USP25: variants seen among roughly 807,000 people sequenced by gnomAD.
USP25 encodes ubiquitin carboxyl-terminal hydrolase 25.
USP25 carries 85 observed loss-of-function variants against 158.5 expected under a neutral mutation model. The ratio of observed to expected loss-of-function variants is 0.54; its 90% CI spans 0.45 to 0.64. The LOEUF (loss-of-function observed/expected upper bound fraction) is 0.64. Among genes scored for constraint, USP25 ranks in the 30% least tolerant of loss-of-function variants. The pLI is 0.00. For synonymous variants in USP25, 464 were observed against 460.4 expected, an observed-to-expected ratio of 1.01 and a Z score of -0.10; for missense variants, 1,242 against 1,327.3, an observed-to-expected ratio of 0.94 and a Z score of 1.00.
chr21:15,846,126 A>G (rs375840539), intron 18 of USP25, among the ~76,000 whole-genome samples: 10,310 of 53,776 alleles, frequency 0.19, 756 homozygotes, highest in East Asian at 0.32. Flanking sequence ...GTGTGTGTAT[A>G]TATATATATA....
intron 20 of USP25, among the ~76,000 whole-genome samples, chr21:15,859,958 GAT>G (rs1325544200): frequency 1.5e-4 from 21 of 140,110 alleles, no homozygotes; most frequent in Admixed American, 1.4e-3. Context: ...ATTTAAATTG[GAT>G]ATATATATGT....
At chr21:15,859,278 C>T (rs932136076) in intron 20 of USP25, among the ~76,000 whole-genome samples, 54 of 151,380 alleles carry the variant, frequency 3.6e-4, no homozygotes, top group African/African-American at 1.1e-3. Flanking sequence ...CTGCAGGCTC[C>T]GCCTCCCGGG....
chr21:15,853,768 T>C (rs2039003961), intron 20 of USP25, among the ~76,000 whole-genome samples: 1 of 152,038 alleles, frequency 6.6e-6, no homozygotes, highest in African/African-American at 2.4e-5. Flanking sequence ...ATGTTAGCTT[T>C]GGTAAATGAA....
chr21:15,793,350 TA>T (rs1187250325), intron 5 of USP25, among the ~76,000 whole-genome samples: 1 of 151,644 alleles, frequency 6.6e-6, no homozygotes, highest in Non-Finnish European at 1.5e-5. Flanking sequence ...TTTAGTAGGA[TA>T]AAACTTCTTT....
chr21:15,791,870 T>C (rs750663501), intron 5 of USP25, among the ~76,000 whole-genome samples: 27 of 151,832 alleles, frequency 1.8e-4, no homozygotes, highest in Non-Finnish European at 1.2e-4. Context: ...TAACAGTAGA[T>C]CACTACTTAT....
intron 17 of USP25, 115 bp downstream of exon 17, chr21:15,833,663 A>G: frequency 4.2e-6 from 4 of 955,046 alleles, no homozygotes; most frequent in Middle Eastern, 3.3e-4. Context: ...AGTAGAAATC[A>G]TTTCAAATTC....
rs1230360525 is a variant in USP25 at position 15,824,974 on chromosome 21, A to T, written c.1217A>T (p.His406Leu). The change falls in exon 12 of 26, where the codon CAC becomes CTC. Residue 406 changes from histidine to leucine, a missense_variant. This residue lies in a region of USP25 where 627 missense variants were observed against 701.4 expected (regional missense o/e 0.89). Transcript: ENST00000400183. The part of the protein sequence containing the change: ...PQVLYLDRYM[H>L]RNREITRIKR... ...TTACCTTTTTCTGATAGATACATGC[A>T]CAGAAACAGAGAAATAACAAGAATT... 1.2e-6 allele frequency: 2 copies of T among 1,608,998 alleles called. No individual in the cohort carries two copies. The highest frequency in any genetic ancestry group is 1.7e-6 in the Non-Finnish European group (2 of 1,176,488).
chr21:15,812,936 C>A (rs542771110), intron 9 of USP25, among the ~76,000 whole-genome samples: 1 of 152,132 alleles, frequency 6.6e-6, no homozygotes, highest in Admixed American at 6.5e-5. Flanking sequence ...TTTTTGAGAA[C>A]TTCTAGTTCA....
intron 3 of USP25, among the ~76,000 whole-genome samples, chr21:15,775,370 C>G (rs1372524074): frequency 6.6e-6 from 1 of 152,138 alleles, no homozygotes; most frequent in African/African-American, 2.4e-5. Flanking sequence ...TAAAAAATCA[C>G]TGGAAGGACT....
intron 1 of USP25, among the ~76,000 whole-genome samples, chr21:15,750,216 T>TGTGTA (rs1568757063): frequency 8.1e-4 from 7 of 8,608 alleles, no homozygotes; most frequent in Admixed American, 2.3e-3. Flanking sequence ...GTGTGTATGT[T>TGTGTA]TTTTTTTTTT....
intron 18 of USP25, among the ~76,000 whole-genome samples, chr21:15,845,495 T>C (rs2038539196): frequency 6.6e-6 from 1 of 152,102 alleles, no homozygotes; most frequent in Non-Finnish European, 1.5e-5. Context: ...CAAAGTTTCT[T>C]CCCCCTTTCA....
chr21:15,836,746 G>A (rs548114689), intron 17 of USP25, among the ~76,000 whole-genome samples: 1 of 146,714 alleles, frequency 6.8e-6, no homozygotes, highest in South Asian at 2.3e-4. Context: ...GCCATTCTTT[G>A]CTGTCAGTGT....
rs966721361 is a variant in USP25 at position 15,829,055 on chromosome 21, G to C, written c.1694-1476G>C. On this transcript the variant is annotated intron_variant, in intron 14 of 25. Coordinates refer to ENST00000400183, the MANE Select transcript of USP25 (RefSeq NM_001283041.3). ...TTAGCATTATTTTGTAAACTATTGT[G>C]TAATATTCCAACACACGGGTATGAT... Among the ~76,000 whole-genome samples, 4 of 152,204 alleles carry C rather than the reference G, an allele frequency of 2.6e-5. No individual in the cohort carries two copies. The South Asian group carries it at 8.3e-4, about 32-fold the overall frequency.
At chr21:15,797,150 G>A (rs1568817680) in intron 5 of USP25, among the ~76,000 whole-genome samples, 1 of 151,304 alleles carries the variant, frequency 6.6e-6, no homozygotes, top group Non-Finnish European at 1.5e-5. Context: ...TTTGGATATG[G>A]TGAGTAGTAC....
At chr21:15,831,253 A>T in intron 15 of USP25, 148 bp from the exon 16 acceptor site, 1 of 685,028 alleles carries the variant, frequency 1.5e-6, no homozygotes, top group Non-Finnish European at 2.4e-6. Context: ...AGTTTTTTTC[A>T]AACTTTTAAG....
intron 11 of USP25, 85 bp downstream of exon 11, chr21:15,824,251 T>C: frequency 6.6e-7 from 1 of 1,507,420 alleles, no homozygotes; most frequent in Non-Finnish European, 8.9e-7. Flanking sequence ...CTGCATAATT[T>C]TCTTAGAATT....
chr21:15,807,566 G>A (rs774361096), intron 7 of USP25, among the ~76,000 whole-genome samples: 2 of 152,134 alleles, frequency 1.3e-5, no homozygotes, highest in Non-Finnish European at 2.9e-5. Flanking sequence ...TGGCTCTGAG[G>A]GAGAATCCTT....
intron 7 of USP25, among the ~76,000 whole-genome samples, chr21:15,806,281 T>C (rs958002127): frequency 3.9e-5 from 6 of 152,122 alleles, no homozygotes; most frequent in African/African-American, 1.2e-4. Context: ...TGGTTCTAAA[T>C]GTGTTTTACT....
chr21:15,833,360 A>C lies in USP25; in HGVS notation c.2006A>C (p.Lys669Thr), dbSNP rs200209123. The stretch of plus-strand genomic sequence containing the variant: ...ATATGATTTGCAGAGGAGTTTAATA[A>C]AGAAACTGGGCAGCCCCTTGTTGGT... ...AQFLIQEEFNKETGQPLVGIE... is the reference protein window; with the variant it reads ...AQFLIQEEFNTETGQPLVGIE... The change falls in exon 17 of 26, where the codon AAA becomes ACA. Residue 669 changes from lysine (K) to threonine (T), a missense_variant. Lys to Thr is a moderately conservative substitution (Grantham distance 78). Around this residue, in one of 3 missense-constraint regions of USP25, gnomAD observed 608 missense variants for 605.2 expected, o/e 1.00. Transcript: ENST00000400183. 2.5e-6 allele frequency: 4 copies of C among 1,612,280 alleles called. No homozygotes were observed. In the East Asian group the frequency reaches 8.9e-5, roughly 36 times the overall value.
Sources: gnomAD v4.1 joint callset for allele counts (sites outside exome capture counted in the v4.1 genomes callset) on GRCh38, gnomAD v4.1.1 for gene constraint, gnomAD v4.1.1 regional missense constraint, MANE v1.5 for transcripts, NCBI Gene and HGNC (gene_info 2026-07-23, HGNC 2026-07-21) for gene names.